VSTM5: variants seen among roughly 807,000 people sequenced by gnomAD.
The protein encoded by VSTM5 is V-set and transmembrane domain containing 5, also known as V-set and transmembrane domain-containing protein 5.
A neutral mutation model predicts 20.3 loss-of-function variants in VSTM5; 21 were observed. The ratio of observed to expected loss-of-function variants is 1.03; its 90% CI spans 0.73 to 1.49. The LOEUF (loss-of-function observed/expected upper bound fraction) is 1.49. VSTM5 is among the 40% of genes most tolerant of loss of function. The probability of loss-of-function intolerance (pLI) is 0.00; values close to 1 mark genes in which losing one functional copy is unlikely to be tolerated. For synonymous variants in VSTM5, 100 were observed against 102.5 expected (o/e 0.98, Z 0.14); for missense variants, 219 against 250.0 (o/e 0.88, Z 0.84).
chr11:93,839,405 G>A (rs1944352211), intron 1 of VSTM5, among the ~76,000 whole-genome samples: 1 of 152,202 alleles, frequency 6.6e-6, no homozygotes, highest in African/African-American at 2.4e-5. Context: ...CCCCTGGCAG[G>A]TACCTCTACT....
chr11:93,841,881 G>C (rs1352112037), intron 1 of VSTM5, among the ~76,000 whole-genome samples: 1 of 152,212 alleles, frequency 6.6e-6, no homozygotes, highest in South Asian at 2.1e-4. Context: ...GAACGGAATT[G>C]AGGCAGTGTG....
At chr11:93,850,375 C>T (rs529249865) in intron 1 of VSTM5, 37 bp downstream of exon 1, 359 of 1,539,066 alleles carry the variant, frequency 2.3e-4, no homozygotes, top group Non-Finnish European at 3.0e-4. Context: ...TACCCATTCC[C>T]GCTCCCCCAG....
intron 1 of VSTM5, among the ~76,000 whole-genome samples, chr11:93,837,685 T>C (rs943802485): frequency 2.6e-5 from 4 of 152,076 alleles, no homozygotes; most frequent in African/African-American, 9.7e-5. Flanking sequence ...GAATGCAGTA[T>C]GCCGAATGCT....
Position 93,850,527 on chromosome 11 carries a change from C to G in VSTM5, c.-25G>C, listed in dbSNP as rs1354661423. ...TGGGCGAGCCCGGGGCCTCGCGGGC[C>G]GGGGTGTGTGCTGGCCGCACCGCGC... On this transcript the variant is annotated 5_prime_UTR_variant, in exon 1 of 4. Coordinates refer to ENST00000409977, the MANE Select transcript of VSTM5 (RefSeq NM_001144871.2). The G allele has an allele frequency of 1.3e-6, 2 of 1,537,206 alleles. No homozygotes were observed. The highest frequency in any genetic ancestry group is 2.5e-5 in the East Asian group (1 of 40,618).
intron 1 of VSTM5, among the ~76,000 whole-genome samples, chr11:93,829,644 C>G (rs11828991): frequency 0.064 from 9,805 of 152,180 alleles, 877 homozygotes; most frequent in African/African-American, 0.2. Context: ...GGCAGCCAGC[C>G]CTGACAGGCT....
In VSTM5 at chr11:93,824,386, T is replaced by C. The variant is rs540373516; in HGVS notation, c.92-3063A>G. On this transcript the variant is annotated intron_variant, in intron 1 of 3. Coordinates refer to ENST00000409977, the MANE Select transcript of VSTM5 (RefSeq NM_001144871.2). ...ACAGGAGTTAGGTGATATCTCATTG[T>C]GGTTTTGATTTGCACTTCCCTGATT... is the stretch of plus-strand genomic sequence containing the variant. Among the ~76,000 whole-genome samples, 52 of 152,344 alleles carry C rather than the reference T, an allele frequency of 3.4e-4. No individual in the cohort carries two copies. The South Asian group carries it at 4.4e-3, about 13-fold the overall frequency.
chr11:93,828,173 G>A (rs776798832), intron 1 of VSTM5, among the ~76,000 whole-genome samples: 4 of 152,214 alleles, frequency 2.6e-5, no homozygotes, highest in African/African-American at 7.2e-5. Context: ...TTTGTGAAAA[G>A]CAGAGAGGAA....
intron 1 of VSTM5, among the ~76,000 whole-genome samples, chr11:93,846,178 T>C (rs1944409105): frequency 6.8e-6 from 1 of 146,028 alleles, no homozygotes; most frequent in African/African-American, 2.6e-5. Flanking sequence ...ATTTATAACA[T>C]GAATTCTGAC....
chr11:93,850,133 C>A (rs1243167910), intron 1 of VSTM5, among the ~76,000 whole-genome samples: 1 of 152,200 alleles, frequency 6.6e-6, no homozygotes, highest in African/African-American at 2.4e-5. Flanking sequence ...GTAGGCCGGG[C>A]TCGCCGGGTG....
chr11:93,831,282 A>T (rs145293750), intron 1 of VSTM5, among the ~76,000 whole-genome samples: 2 of 151,604 alleles, frequency 1.3e-5, no homozygotes, highest in African/African-American at 4.8e-5. Flanking sequence ...TCCCACCTCA[A>T]CCTCCCCAAG....
intron 1 of VSTM5, among the ~76,000 whole-genome samples, chr11:93,848,634 C>T (rs1330737807): frequency 6.6e-6 from 1 of 152,208 alleles, no homozygotes; most frequent in Non-Finnish European, 1.5e-5. Context: ...GAACATGGCA[C>T]CTCTTGCCTC....
Position 93,819,517 on chromosome 11 carries a change from C to G in VSTM5, c.*1052G>C, listed in dbSNP as rs964948981. The G allele has an allele frequency of 2.6e-5, 4 of 152,262 alleles. No individual in the cohort carries two copies. The highest frequency in any genetic ancestry group is 6.5e-5 in the Admixed American group (1 of 15,288). The allele number at this position is 152,262 out of a possible 1,614,324, so 9.4% of individuals were successfully genotyped here. A position where few individuals can be genotyped will look rare whatever the true frequency, so the allele number is the denominator to read the frequency against. On this transcript the variant is annotated 3_prime_UTR_variant, in exon 4 of 4. Transcript: ENST00000409977. ...ATAGCTTTCCAGATCCTTGAAGAAGCCTCATGCATTTCGTAAGTTGCTCAG... is the reference window on the plus strand; with the variant it reads ...ATAGCTTTCCAGATCCTTGAAGAAGGCTCATGCATTTCGTAAGTTGCTCAG...
At chr11:93,827,218 T>C (rs147718162) in intron 1 of VSTM5, among the ~76,000 whole-genome samples, 11 of 152,032 alleles carry the variant, frequency 7.2e-5, no homozygotes, top group Non-Finnish European at 1.3e-4. Flanking sequence ...ACCCCATCTC[T>C]ACTAAAAATA....
At chr11:93,838,645 A>T (rs1206008825) in intron 1 of VSTM5, among the ~76,000 whole-genome samples, 1 of 151,330 alleles carries the variant, frequency 6.6e-6, no homozygotes, top group African/African-American at 2.4e-5. Flanking sequence ...AAAAAAAAAA[A>T]AAAAAAGCTG....
At position 93,820,858 on chromosome 11, in the gene VSTM5, A is replaced by G. The variant is rs1350264856; in HGVS notation, c.444T>C (p.Phe148=). ...VSEILYEDLH[F]VAVILAFLAA... is the part of the protein sequence containing the mutation. The stretch of plus-strand genomic sequence containing the variant: ...CGAGAAAAGCAAGGATGACAGCGAC[A>G]AAGTGCAGGTCTTCATAGAGGATCT... The change falls in exon 3 of 4, where the codon TTT becomes TTC. Residue 148 remains phenylalanine (F), a synonymous_variant. Coordinates refer to ENST00000409977, the MANE Select transcript of VSTM5 (RefSeq NM_001144871.2). The G allele has an allele frequency of 1.9e-6, 3 of 1,550,724 alleles. No individual in the cohort carries two copies. The South Asian group carries it at 3.6e-5, about 18-fold the overall frequency.
chr11:93,829,115 G>C (rs1213481426), intron 1 of VSTM5, among the ~76,000 whole-genome samples: 1 of 152,190 alleles, frequency 6.6e-6, no homozygotes, highest in Admixed American at 6.5e-5. Context: ...ACCCTTCTCT[G>C]ATCAGGTCTC....
intron 1 of VSTM5, among the ~76,000 whole-genome samples, chr11:93,838,815 A>T (rs1182445310): frequency 6.6e-6 from 1 of 152,046 alleles, no homozygotes; most frequent in Non-Finnish European, 1.5e-5. Flanking sequence ...TAAAATGAAT[A>T]AACAAACAAA....
chr11:93,840,118 C>A (rs978076064), intron 1 of VSTM5, among the ~76,000 whole-genome samples: 1 of 152,152 alleles, frequency 6.6e-6, no homozygotes, highest in Non-Finnish European at 1.5e-5. Flanking sequence ...GACTTCTAGC[C>A]TTTAGAACTT....
At chr11:93,842,654 G>A (rs1944379745) in intron 1 of VSTM5, among the ~76,000 whole-genome samples, 1 of 152,222 alleles carries the variant, frequency 6.6e-6, no homozygotes, top group African/African-American at 2.4e-5. Flanking sequence ...CTGGGCCAGC[G>A]GCCAGCCTGG....
Sources: gnomAD v4.1 joint callset for allele counts (sites outside exome capture counted in the v4.1 genomes callset) on GRCh38, gnomAD v4.1.1 for gene constraint, MANE v1.5 for transcripts, NCBI Gene and HGNC (gene_info 2026-07-23, HGNC 2026-07-21) for gene names.